The following COMMD1 variants were observed in gnomAD, a reference collection of about 807,000 sequenced individuals.
COMMD1 encodes the protein COMM domain-containing protein 1.
In COMMD1, 10 loss-of-function variants were observed where a neutral mutation model predicts 17.2. The ratio of observed to expected loss-of-function variants is 0.58; its 90% CI spans 0.36 to 0.99. The LOEUF (loss-of-function observed/expected upper bound fraction) is 0.99, where lower values mean the gene tolerates loss of function less well. Among genes scored for constraint, COMMD1 ranks in the 50% least tolerant of loss-of-function variants. The probability of loss-of-function intolerance (pLI) is 0.01; values close to 1 mark genes in which losing one functional copy is unlikely to be tolerated. For synonymous variants in COMMD1, 97 were observed against 91.6 expected, an observed-to-expected ratio of 1.06 and a Z score of -0.34; for missense variants, 270 against 231.8, an observed-to-expected ratio of 1.17 and a Z score of -1.07.
chr2:62,049,736 T>C (rs72803326), intron 2 of COMMD1, among the ~76,000 whole-genome samples: 107 of 152,282 alleles, frequency 7.0e-4, no homozygotes, highest in Non-Finnish European at 1.1e-3. Context: ...GTTTCCTCAT[T>C]AGTAGGTTTC....
chr2:62,016,206 C>CTTTTTTTTTTTT (rs769583167), intron 2 of COMMD1, among the ~76,000 whole-genome samples: 8 of 112,258 alleles, frequency 7.1e-5, no homozygotes, highest in African/African-American at 1.0e-4. Flanking sequence ...CTTTTCTTTT[C>CTTTTTTTTTTTT]TTTTTTTTTT....
chr2:61,905,496 G>C (rs1669745594), upstream of COMMD1, among the ~76,000 whole-genome samples: 1 of 152,246 alleles, frequency 6.6e-6, no homozygotes, highest in African/African-American at 2.4e-5. Flanking sequence ...TTCCGTGGAG[G>C]TATCCTAAGG....
intron 1 of COMMD1, among the ~76,000 whole-genome samples, chr2:61,977,377 T>A (rs1171961394): frequency 6.6e-6 from 1 of 151,256 alleles, no homozygotes; most frequent in Non-Finnish European, 1.5e-5. Context: ...CCTGAGTAGC[T>A]GGGATTACAG....
intron 1 of COMMD1, among the ~76,000 whole-genome samples, chr2:61,934,965 T>C (rs947612730): frequency 1.3e-5 from 2 of 152,162 alleles, no homozygotes; most frequent in African/African-American, 4.8e-5. Context: ...AAAAGACAGA[T>C]TGACAAGAGA....
At chr2:61,951,791 T>A (rs1451934730) in intron 1 of COMMD1, among the ~76,000 whole-genome samples, 1 of 152,204 alleles carries the variant, frequency 6.6e-6, no homozygotes, top group Non-Finnish European at 1.5e-5. Flanking sequence ...ATTTCGCCCT[T>A]GATTCTCCCC....
intron 2 of COMMD1, among the ~76,000 whole-genome samples, chr2:62,029,711 T>C (rs1234579123): frequency 6.6e-6 from 1 of 152,254 alleles, no homozygotes; most frequent in African/African-American, 2.4e-5. Context: ...TTCTGTAGCA[T>C]GTTTCTCTGA....
intron 2 of COMMD1, among the ~76,000 whole-genome samples, chr2:62,119,828 TC>T (rs1389135998): frequency 6.6e-6 from 1 of 152,198 alleles, no homozygotes; most frequent in Admixed American, 6.5e-5. Flanking sequence ...GATGCTGTGT[TC>T]CTGTTTTTGT....
chr2:62,076,968 T>G, intron 2 of COMMD1, among the ~76,000 whole-genome samples: 1 of 151,910 alleles, frequency 6.6e-6, no homozygotes, highest in African/African-American at 2.4e-5. Context: ...CCTGTCTCCA[T>G]AAAAAATAAA....
At chr2:61,946,332 A>G (rs371474037) in intron 1 of COMMD1, among the ~76,000 whole-genome samples, 11 of 152,182 alleles carry the variant, frequency 7.2e-5, no homozygotes, top group African/African-American at 2.7e-4. Context: ...TTTGAGATCA[A>G]GATTTTATTT....
intron 2 of COMMD1, among the ~76,000 whole-genome samples, chr2:62,071,889 A>G (rs1187253571): frequency 6.6e-6 from 1 of 152,132 alleles, no homozygotes; most frequent in African/African-American, 2.4e-5. Context: ...AGACTGACCA[A>G]ACAGACTCTT....
At chr2:62,018,490 A>G (rs1296868361) in intron 2 of COMMD1, among the ~76,000 whole-genome samples, 1 of 152,242 alleles carries the variant, frequency 6.6e-6, no homozygotes. Flanking sequence ...CTAACAAGCT[A>G]AATTGCACTT....
At chr2:61,937,489 G>A (rs1232750340) in intron 1 of COMMD1, among the ~76,000 whole-genome samples, 2 of 152,186 alleles carry the variant, frequency 1.3e-5, no homozygotes, top group African/African-American at 2.4e-5. Flanking sequence ...GGGACTTAGA[G>A]TAAACAAGAC....
intron 1 of COMMD1, among the ~76,000 whole-genome samples, chr2:61,978,460 C>G (rs1166288358): frequency 1.3e-5 from 2 of 152,232 alleles, no homozygotes; most frequent in South Asian, 4.2e-4. Context: ...ATTGAGCTCC[C>G]AATTTCAGTT....
chr2:61,994,375 A>T (rs1273296831), intron 1 of COMMD1, among the ~76,000 whole-genome samples: 2 of 152,218 alleles, frequency 1.3e-5, no homozygotes, highest in Non-Finnish European at 2.9e-5. Flanking sequence ...TTGAATTGTA[A>T]TGTGAAATAT....
chr2:62,015,271 C>A (rs945552697), intron 2 of COMMD1, among the ~76,000 whole-genome samples: 1 of 152,182 alleles, frequency 6.6e-6, no homozygotes, highest in African/African-American at 2.4e-5. Flanking sequence ...AATAGAACCA[C>A]ACAATATTTG....
chr2:62,079,727 C>T (rs1671464528), intron 2 of COMMD1: 1 of 152,154 alleles, frequency 6.6e-6, no homozygotes. Flanking sequence ...TAGAAACAAA[C>T]CATTTTTCCT....
chr2:62,112,616 G>T (rs189444972), intron 2 of COMMD1, among the ~76,000 whole-genome samples: 10 of 152,362 alleles, frequency 6.6e-5, no homozygotes, highest in African/African-American at 2.4e-4. Flanking sequence ...CTGACACAAT[G>T]TTGGGTGCTT....
rs539405432 is a variant in COMMD1, at chr2:62,097,752, A to G, written c.463-38079A>G. ...CCATTTGGACTTTTTCTTTACTCCA[A>G]GGGAGAGGGTTTTTAATCTAGGTAG... On this transcript the variant is annotated intron_variant, in intron 2 of 2. Transcript: ENST00000311832. Among the ~76,000 whole-genome samples, 21 of 152,320 alleles carry G rather than the reference A, an allele frequency of 1.4e-4. No individual in the cohort carries two copies. The East Asian group carries it at 2.5e-3, about 18-fold the overall frequency.
intron 1 of COMMD1, among the ~76,000 whole-genome samples, chr2:61,926,381 G>C (rs546033620): frequency 2.9e-4 from 44 of 152,256 alleles, no homozygotes; most frequent in African/African-American, 1.0e-3. Flanking sequence ...GCCATATCCA[G>C]CTACAGTGGA....
Sources: gnomAD v4.1 joint callset for allele counts (sites outside exome capture counted in the v4.1 genomes callset) on GRCh38, gnomAD v4.1.1 for gene constraint, MANE v1.5 for transcripts, NCBI Gene and HGNC (gene_info 2026-07-23, HGNC 2026-07-21) for gene names.